AOPEP: variants seen among roughly 807,000 people sequenced by gnomAD.
AOPEP encodes the protein aminopeptidase O.
Under a neutral mutation model 98.1 loss-of-function variants are expected in AOPEP, and 77 were observed. That is an observed-to-expected ratio of 0.78 (90% CI 0.65 to 0.95). AOPEP has a LOEUF of 0.95. Ranked by LOEUF, AOPEP falls within the 40% of genes least tolerant of loss-of-function variation. AOPEP has a pLI of 0.00. For synonymous variants in AOPEP, 346 were observed against 365.3 expected (o/e 0.95, Z 0.60); for missense variants, 1,024 against 1,024.7 (o/e 1.00, Z 0.01).
intron 5 of AOPEP, among the ~76,000 whole-genome samples, chr9:94,906,436 C>T (rs1334739667): frequency 7.5e-6 from 1 of 134,196 alleles, no homozygotes; most frequent in African/African-American, 2.7e-5. Flanking sequence ...GCCTGTGTGA[C>T]AGAGTGAGAC....
intron 5 of AOPEP, among the ~76,000 whole-genome samples, chr9:94,874,107 A>G (rs1484953566): frequency 1.3e-5 from 2 of 152,196 alleles, no homozygotes; most frequent in Non-Finnish European, 2.9e-5. Context: ...GAAAAAATAA[A>G]AATGTGATTA....
intron 9 of AOPEP, among the ~76,000 whole-genome samples, chr9:94,956,427 T>A (rs2058462834): frequency 6.6e-6 from 1 of 152,238 alleles, no homozygotes; most frequent in Non-Finnish European, 1.5e-5. Context: ...GCCTTCATTG[T>A]CATTGCCATT....
rs1031924506 is a variant in AOPEP at position 94,768,141 on chromosome 9, G to T, written c.798-4861G>T. Among the ~76,000 whole-genome samples the T allele has an allele frequency of 1.2e-4, 18 of 152,272 alleles. No homozygotes were observed. In the South Asian group the frequency reaches 1.7e-3, roughly 14 times the overall value. On this transcript the variant is annotated intron_variant, in intron 2 of 16. Transcript: ENST00000375315. ...TTGTAACCCTTGGAAACTTATAAAA[G>T]ATTCTGACCCCCTAAACTGTCGCAT... is the stretch of plus-strand genomic sequence containing the variant.
At chr9:95,070,758 C>T (rs1782805144) in intron 14 of AOPEP, among the ~76,000 whole-genome samples, 1 of 152,222 alleles carries the variant, frequency 6.6e-6, no homozygotes. Context: ...AGGCTGCAAG[C>T]CCAACTCTGA....
chr9:94,851,085 A>G (rs1190525563), intron 5 of AOPEP, among the ~76,000 whole-genome samples: 2 of 152,216 alleles, frequency 1.3e-5, no homozygotes, highest in Non-Finnish European at 2.9e-5. Context: ...GAGCTCTGAC[A>G]GTCTATACTT....
At position 94,977,636 on chromosome 9, in the gene AOPEP, C is replaced by T. The variant is rs1182251342; in HGVS notation, c.1917-1731C>T. ...ATACACATGCACACATCCATGCATG[C>T]GCACACTCCCACACTCTCATAGCTT... On this transcript the variant is annotated intron_variant, in intron 10 of 16. Coordinates refer to ENST00000375315, the MANE Select transcript of AOPEP (RefSeq NM_001193329.3). 4.6e-5 allele frequency among the ~76,000 whole-genome samples: 7 copies of T among 152,184 alleles called. 1 individual carries two copies. The highest frequency in any genetic ancestry group is 3.9e-4 in the East Asian group (2 of 5,178).
In AOPEP at chr9:94,760,185, A is replaced by G. The variant is rs1466453290; in HGVS notation, c.402A>G (p.Thr134=). 4.3e-6 allele frequency: 7 copies of G among 1,614,218 alleles called. No individual in the cohort carries two copies. Among genetic ancestry groups the G allele is most frequent in the Non-Finnish European group, 5.9e-6 (7 of 1,180,036 alleles). The change falls in exon 2 of 17, where the codon ACA becomes ACG. Residue 134 remains threonine, a synonymous_variant. Coordinates refer to ENST00000375315, the MANE Select transcript of AOPEP (RefSeq NM_001193329.3). The stretch of plus-strand genomic sequence containing the variant: ...CTAGCTCAAAGTACTGCTGTGACAC[A>G]GGGAATCATGGGAGTGAGGATTTTT... ...GISSSKYCCD[T]GNHGSEDFLL...
intron 7 of AOPEP, among the ~76,000 whole-genome samples, chr9:94,946,932 G>A (rs1199978472): frequency 6.6e-6 from 1 of 151,866 alleles, no homozygotes; most frequent in African/African-American, 2.4e-5. Flanking sequence ...TTCATCCAGT[G>A]GGATTCACTC....
chr9:95,070,778 G>C (rs981201143), intron 14 of AOPEP, among the ~76,000 whole-genome samples: 1 of 152,264 alleles, frequency 6.6e-6, no homozygotes, highest in African/African-American at 2.4e-5. Flanking sequence ...AGAGTGGCCG[G>C]TGGGGGCACA....
intron 5 of AOPEP, among the ~76,000 whole-genome samples, chr9:94,903,007 G>A (rs1221345574): frequency 1.4e-5 from 2 of 147,810 alleles, no homozygotes; most frequent in Admixed American, 1.3e-4. Context: ...TGAAGACAGA[G>A]TCTCATTCTG....
intron 4 of AOPEP, among the ~76,000 whole-genome samples, chr9:94,794,665 G>A (rs575857207): frequency 6.6e-6 from 1 of 152,170 alleles, no homozygotes; most frequent in South Asian, 2.1e-4. Flanking sequence ...CCTAGATTGC[G>A]TATTAGATTT....
At chr9:94,794,119 G>T (rs559053203) in intron 4 of AOPEP, among the ~76,000 whole-genome samples, 8 of 152,230 alleles carry the variant, frequency 5.3e-5, no homozygotes, top group Admixed American at 2.6e-4. Flanking sequence ...CTTTTTTGAA[G>T]TATGAACCAG....
At chr9:95,117,266 C>G in the AOPEP span, 77 of 1,538,414 alleles carry the variant, frequency 5.0e-5, no homozygotes, top group African/African-American at 9.0e-4. Flanking sequence ...TTTGACAATG[C>G]TCTTCCCAGG....
At chr9:94,739,568 C>T (rs987436159) in intron 1 of AOPEP, among the ~76,000 whole-genome samples, 7 of 150,520 alleles carry the variant, frequency 4.7e-5, no homozygotes, top group East Asian at 2.0e-4. Flanking sequence ...TTGCTTGAAC[C>T]GGGAGGTGGA....
intron 2 of AOPEP, among the ~76,000 whole-genome samples, chr9:94,761,053 G>A (rs367568984): frequency 2.0e-5 from 3 of 152,242 alleles, no homozygotes; most frequent in Non-Finnish European, 1.5e-5. Flanking sequence ...CTTCCTTACC[G>A]TACTTGTCTA....
chr9:94,749,246 T>C (rs1327818809), intron 1 of AOPEP, among the ~76,000 whole-genome samples: 1 of 152,260 alleles, frequency 6.6e-6, no homozygotes, highest in Non-Finnish European at 1.5e-5. Context: ...TGTTCCAGCT[T>C]TGGGCATTGA....
At chr9:95,068,006 A>G (rs75164658) in intron 14 of AOPEP, among the ~76,000 whole-genome samples, 314 of 152,324 alleles carry the variant, frequency 2.1e-3, no homozygotes, top group African/African-American at 6.8e-3. Flanking sequence ...TTTGTAGCAT[A>G]TATCATTACT....
chr9:95,057,467 T>G (rs2066925855), intron 13 of AOPEP, among the ~76,000 whole-genome samples: 1 of 152,268 alleles, frequency 6.6e-6, no homozygotes, highest in Non-Finnish European at 1.5e-5. Context: ...TTCATTTGCT[T>G]TACAAACATT....
At chr9:95,049,782 A>G (rs1029162137) in intron 13 of AOPEP, among the ~76,000 whole-genome samples, 5 of 152,234 alleles carry the variant, frequency 3.3e-5, no homozygotes, top group Admixed American at 2.0e-4. Context: ...GGTTTTAATC[A>G]TGTTCATGCC....
Sources: allele counts gnomAD v4.1 joint callset (sites outside exome capture counted in the v4.1 genomes callset), GRCh38; gene constraint gnomAD v4.1.1; transcripts MANE v1.5; gene names NCBI Gene and HGNC (gene_info 2026-07-23, HGNC 2026-07-21).